Variants in TBXAS1 observed in about 807,000 individuals in gnomAD.
The protein encoded by TBXAS1 is thromboxane-A synthase.
In TBXAS1, 48 loss-of-function variants were observed where a neutral mutation model predicts 60.7. The observed-to-expected ratio is 0.79, with a 90% confidence interval of 0.63 to 1.01. TBXAS1 has a LOEUF of 1.01. Ranked by LOEUF, TBXAS1 falls within the 50% of genes least tolerant of loss-of-function variation. TBXAS1 has a pLI of 0.00. For missense variants in TBXAS1, 685 were observed against 686.3 expected (o/e 1.00, Z 0.02); for synonymous variants, 287 against 269.7 (o/e 1.06, Z -0.63).
At chr7:139,966,504 T>C (rs1303323428) in intron 9 of TBXAS1, among the ~76,000 whole-genome samples, 6 of 152,240 alleles carry the variant, frequency 3.9e-5, no homozygotes, top group Non-Finnish European at 5.9e-5. Flanking sequence ...CCGGTTTCTC[T>C]GGGCACACTC....
At chr7:139,843,360 A>ATT (rs1799592730) in intron 1 of TBXAS1, among the ~76,000 whole-genome samples, 1 of 151,150 alleles carries the variant, frequency 6.6e-6, no homozygotes, top group South Asian at 2.1e-4. Context: ...TTATTTATTT[A>ATT]GAGATGGAGT....
chr7:139,966,836 G>T (rs539784620), intron 9 of TBXAS1, among the ~76,000 whole-genome samples: 2 of 152,260 alleles, frequency 1.3e-5, no homozygotes, highest in South Asian at 4.1e-4. Flanking sequence ...GCCGCCCTGC[G>T]GGAGGAGAGG....
chr7:139,835,842 C>G (rs1407321471), intron 1 of TBXAS1, among the ~76,000 whole-genome samples: 1 of 152,122 alleles, frequency 6.6e-6, no homozygotes, highest in Non-Finnish European at 1.5e-5. Context: ...CAAACTGTCA[C>G]TGTTTGCTGA....
In TBXAS1 at chr7:139,875,583, A is replaced by G. The variant is rs1412196157; in HGVS notation, c.184-2A>G. The G allele has an allele frequency of 6.2e-7, 1 of 1,613,982 alleles. No individual in the cohort carries two copies. Among genetic ancestry groups the G allele is most frequent in the African/African-American group, 1.3e-5 (1 of 74,922 alleles). ...CTTACTATAGTGCTGTGTTTCCTTC[A>G]GGGTTTTTGGGAAAGCCAAATGGAG... On this transcript the variant is annotated splice_acceptor_variant, in intron 2 of 12. Transcript: ENST00000448866. LOFTEE classifies it high-confidence loss of function.
intron 1 of TBXAS1, among the ~76,000 whole-genome samples, chr7:139,838,950 TG>T (rs1338722997): frequency 6.6e-6 from 1 of 152,202 alleles, no homozygotes; most frequent in Non-Finnish European, 1.5e-5. Context: ...CCATATAAAA[TG>T]GTTTAAAATT....
chr7:139,820,265 G>A (rs978498401), intron 4 of TBXAS1, among the ~76,000 whole-genome samples: 6 of 152,102 alleles, frequency 3.9e-5, no homozygotes, highest in Non-Finnish European at 7.4e-5. Context: ...GAGGAGGGGC[G>A]GGAGAGATTT....
At chr7:139,871,343 C>T (rs911445240) in intron 1 of TBXAS1, among the ~76,000 whole-genome samples, 3 of 152,110 alleles carry the variant, frequency 2.0e-5, no homozygotes, top group East Asian at 3.9e-4. Flanking sequence ...CTGATCTCTG[C>T]GTGATGCTAA....
At position 139,778,807 on chromosome 7, in the gene TBXAS1, G is replaced by C. The variant is rs1387716587; in HGVS notation, c.-318+336G>C. 6.6e-6 allele frequency among the ~76,000 whole-genome samples: 1 copy of C among 152,106 alleles called. No individual in the cohort carries two copies. Among genetic ancestry groups the C allele is most frequent in the East Asian group, 1.9e-4 (1 of 5,178 alleles). On this transcript the variant is annotated intron_variant, in intron 1 of 16. Coordinates refer to the TBXAS1 transcript ENST00000336425. The surrounding 1 kb of genome is among the most constrained non-coding windows in gnomAD (Gnocchi z 4.8). ...CACTCTCCAGACTCTCCCCAGCCGG[G>C]AGCCTCTCCAGGTTTGCTTCTCCAG...
intron 9 of TBXAS1, among the ~76,000 whole-genome samples, chr7:139,993,006 A>C (rs1273467219): frequency 6.6e-6 from 1 of 152,184 alleles, no homozygotes; most frequent in East Asian, 1.9e-4. Flanking sequence ...CCCCGTCTCT[A>C]CTAAAAATAA....
At chr7:139,802,408 G>A (rs1032148479) in intron 4 of TBXAS1, among the ~76,000 whole-genome samples, 11 of 152,174 alleles carry the variant, frequency 7.2e-5, no homozygotes, top group African/African-American at 2.4e-4. Context: ...CCCAGTGGGA[G>A]GTCATTGAAT....
In TBXAS1 at chr7:139,875,587, T is replaced by G; in HGVS notation, c.186T>G (p.Gly62=). ...FIGNLTFFRQ[G]FWESQMELRK... is the part of the protein sequence containing the mutation. ...CTATAGTGCTGTGTTTCCTTCAGGG[T>G]TTTTGGGAAAGCCAAATGGAGCTCA... is the stretch of plus-strand genomic sequence containing the variant. Residue 62 remains glycine (G), a splice_region_variant and synonymous_variant, in exon 3 of 13, where the codon GGT becomes GGG. Transcript: ENST00000448866. 6.2e-7 allele frequency: 1 copy of G among 1,613,666 alleles called. No homozygotes were observed. Among genetic ancestry groups the G allele is most frequent in the Non-Finnish European group, 8.5e-7 (1 of 1,179,542 alleles).
At chr7:139,986,929 C>A (rs1812536218) in intron 9 of TBXAS1, among the ~76,000 whole-genome samples, 1 of 151,848 alleles carries the variant, frequency 6.6e-6, no homozygotes. Context: ...TCTTGGCTCT[C>A]AAGGTGGAAA....
At chr7:139,842,945 G>C (rs770523108) in intron 1 of TBXAS1, among the ~76,000 whole-genome samples, 3 of 152,196 alleles carry the variant, frequency 2.0e-5, no homozygotes, top group Non-Finnish European at 4.4e-5. Context: ...GCAAAGCCAA[G>C]CTCTACCAAT....
intron 4 of TBXAS1, among the ~76,000 whole-genome samples, chr7:139,788,112 G>C (rs1231673560): frequency 6.6e-6 from 1 of 152,192 alleles, no homozygotes; most frequent in African/African-American, 2.4e-5. Context: ...TGGTAACAAA[G>C]TTATAGGTAT....
chr7:139,969,907 C>T (rs1412034766), intron 9 of TBXAS1, among the ~76,000 whole-genome samples: 2 of 152,224 alleles, frequency 1.3e-5, no homozygotes, highest in African/African-American at 2.4e-5. Context: ...CAGAGAACGC[C>T]TTACAGCCCT....
rs1230729120 is a variant in TBXAS1, at chr7:139,962,174, A to G, written c.1075A>G (p.Thr359Ala). ...TTCTTTTGCCACCTACCTACTGGCC[A>G]CCAACCCTGACTGCCAAGAGAAGCT... Reference protein sequence around the residue: ...TLSFATYLLATNPDCQEKLLR... With the variant: ...TLSFATYLLAANPDCQEKLLR... The change falls in exon 9 of 13, where the codon ACC (threonine) becomes GCC (alanine). Residue 359 changes from threonine (T) to alanine (A), a missense_variant. Physicochemically the swap from Thr to Ala is moderately conservative, Grantham distance 58. Transcript: ENST00000448866. 1 of 1,614,206 alleles carries G rather than the reference A, an allele frequency of 6.2e-7. No homozygotes were observed. Among genetic ancestry groups the G allele is most frequent in the Admixed American group, 1.7e-5 (1 of 60,024 alleles).
At chr7:139,849,120 T>C (rs1285367950) in intron 1 of TBXAS1, among the ~76,000 whole-genome samples, 2 of 152,122 alleles carry the variant, frequency 1.3e-5, no homozygotes, top group African/African-American at 2.4e-5. Context: ...ATAATTCTTT[T>C]GGGAGGCTCA....
chr7:139,914,597 C>T (rs1029506733), intron 4 of TBXAS1, among the ~76,000 whole-genome samples: 1 of 152,074 alleles, frequency 6.6e-6, no homozygotes. Context: ...ACAAGAAAAC[C>T]CTCCACCTCT....
intron 4 of TBXAS1, among the ~76,000 whole-genome samples, chr7:139,791,807 TG>T (rs59847895): frequency 0.37 from 39,600 of 108,202 alleles, 6,298 homozygotes; most frequent in South Asian, 0.61. Context: ...TGGAATGTTT[TG>T]TTTTTTTTTT....
Sources: allele counts gnomAD v4.1 joint callset (sites outside exome capture counted in the v4.1 genomes callset), GRCh38; gene constraint gnomAD v4.1.1; non-coding constraint Gnocchi (gnomAD v3.1); transcripts MANE v1.5; gene names NCBI Gene and HGNC (gene_info 2026-07-23, HGNC 2026-07-21).